Variants in FAXC observed in about 807,000 individuals in gnomAD.
The protein encoded by FAXC is failed axon connections homolog, metaxin like GST domain containing, also known as failed axon connections homolog.
A neutral mutation model predicts 41.9 loss-of-function variants in FAXC; 10 were observed. That is an observed-to-expected ratio of 0.24 (90% CI 0.15 to 0.41). FAXC has a LOEUF of 0.41. Among genes scored for constraint, FAXC ranks in the 10% least tolerant of loss-of-function variants. The pLI is 1.00. For missense variants in FAXC, 399 were observed against 510.9 expected, an observed-to-expected ratio of 0.78 and a Z score of 2.11; for synonymous variants, 183 against 183.8, an observed-to-expected ratio of 1.00 and a Z score of 0.03.
chr6:99,300,118 C>T (rs1054404820), intron 4 of FAXC, among the ~76,000 whole-genome samples: 6 of 152,194 alleles, frequency 3.9e-5, no homozygotes, highest in Admixed American at 1.3e-4. Context: ...ACCACCATCA[C>T]TCTGTCTCTT....
At chr6:99,323,333 A>T in intron 4 of FAXC, 111 bp downstream of exon 4, 1 of 914,634 alleles carries the variant, frequency 1.1e-6, no homozygotes, top group South Asian at 1.7e-5. Context: ...TACACATGGA[A>T]GCAAAGAAAT....
chr6:99,305,846 ATAT>A (rs1335566439), intron 4 of FAXC, among the ~76,000 whole-genome samples: 5 of 152,092 alleles, frequency 3.3e-5, no homozygotes, highest in Non-Finnish European at 7.3e-5. Flanking sequence ...ATATTAATCA[ATAT>A]TATTTTGACT....
chr6:99,338,528 A>G (rs1034559080), intron 2 of FAXC, among the ~76,000 whole-genome samples: 5 of 152,158 alleles, frequency 3.3e-5, no homozygotes, highest in Non-Finnish European at 5.9e-5. Flanking sequence ...AAGGTGGGGG[A>G]GCACAAAAGT....
At chr6:99,307,275 A>T (rs921931833) in intron 4 of FAXC, among the ~76,000 whole-genome samples, 2 of 152,200 alleles carry the variant, frequency 1.3e-5, no homozygotes, top group Non-Finnish European at 2.9e-5. Context: ...TTTTGTGTGA[A>T]GGGAAAGCAG....
rs1349387501 is a variant in FAXC, at chr6:99,272,113, T to TATTGAAGA, written c.*9043_*9050dup. 1 of 151,652 alleles carries TATTGAAGA rather than the reference T, an allele frequency of 6.6e-6. No homozygotes were observed. The highest frequency in any genetic ancestry group is 2.4e-5 in the African/African-American group (1 of 41,242). 9.4% of individuals were successfully genotyped at this position (151,652 alleles called of 1,614,324 possible). The stretch of plus-strand genomic sequence containing the variant: ...TGTAATTTGGGAACAATAATTACTT[T>TATTGAAGA]ATTGAAGAGGTATGAAAACTAATTG... On this transcript the variant is annotated 3_prime_UTR_variant, in exon 6 of 6. Coordinates refer to ENST00000389677, the MANE Select transcript of FAXC (RefSeq NM_032511.4).
chr6:99,289,318 C>G (rs921972450), intron 5 of FAXC, among the ~76,000 whole-genome samples: 8 of 152,072 alleles, frequency 5.3e-5, no homozygotes, highest in African/African-American at 1.9e-4. Context: ...CCTCGACTTA[C>G]GTGGGGATAC....
At chr6:99,323,374 C>G in intron 4 of FAXC, 70 bp downstream of exon 4, 1 of 1,344,768 alleles carries the variant, frequency 7.4e-7, no homozygotes, top group Non-Finnish European at 1.0e-6. Context: ...ATTAGTGAAC[C>G]AACAGTGTTT....
chr6:99,300,866 T>G (rs1305455399), intron 4 of FAXC, among the ~76,000 whole-genome samples: 2 of 152,218 alleles, frequency 1.3e-5, no homozygotes, highest in African/African-American at 4.8e-5. Context: ...TAAGTTCAAA[T>G]CCTTTTATAA....
intron 4 of FAXC, among the ~76,000 whole-genome samples, chr6:99,321,706 A>T (rs1025299794): frequency 6.6e-6 from 1 of 152,214 alleles, no homozygotes; most frequent in Non-Finnish European, 1.5e-5. Flanking sequence ...TCTCCTGAAA[A>T]CTGGGGAGAA....
chr6:99,316,590 T>C (rs1772365955), intron 4 of FAXC, among the ~76,000 whole-genome samples: 1 of 152,170 alleles, frequency 6.6e-6, no homozygotes, highest in South Asian at 2.1e-4. Context: ...TGTCTCTGAG[T>C]TTCCCTGACT....
intron 3 of FAXC, among the ~76,000 whole-genome samples, chr6:99,325,229 T>C (rs193179435): frequency 1.1e-3 from 168 of 152,226 alleles, no homozygotes; most frequent in African/African-American, 3.9e-3. Flanking sequence ...ATTTTGATCA[T>C]TGTATATAGT....
At chr6:99,289,010 C>T (rs1370785429) in intron 5 of FAXC, among the ~76,000 whole-genome samples, 2 of 152,132 alleles carry the variant, frequency 1.3e-5, no homozygotes, top group Non-Finnish European at 2.9e-5. Flanking sequence ...TTCACCCATC[C>T]ATCTGTCCAT....
intron 2 of FAXC, among the ~76,000 whole-genome samples, chr6:99,334,348 T>C (rs796693426): frequency 1.6e-4 from 24 of 152,204 alleles, no homozygotes; most frequent in African/African-American, 5.8e-4. Context: ...ATTGCCTTTG[T>C]GCAATTAAGA....
chr6:99,322,897 A>G (rs1772643586), intron 4 of FAXC, among the ~76,000 whole-genome samples: 1 of 152,342 alleles, frequency 6.6e-6, no homozygotes, highest in Middle Eastern at 3.4e-3. Context: ...GACAAATACA[A>G]AATCACACTA....
chr6:99,349,091 C>A lies in FAXC; in HGVS notation c.266+16G>T, dbSNP rs963178765. 28 of 1,612,186 alleles carry A rather than the reference C, an allele frequency of 1.7e-5. No individual in the cohort carries two copies. The highest frequency in any genetic ancestry group is 2.3e-5 in the Non-Finnish European group (27 of 1,179,438). ...CCCTCTCTGCGCCCCTGTGCGGGGC[C>A]CTCTCTCCGGCTCACCTAATGACCA... On this transcript the variant is annotated intron_variant, in intron 1 of 5. Coordinates refer to ENST00000389677, the MANE Select transcript of FAXC (RefSeq NM_032511.4).
chr6:99,331,165 T>A (rs1407988490), intron 3 of FAXC, among the ~76,000 whole-genome samples: 2 of 152,178 alleles, frequency 1.3e-5, no homozygotes, highest in Non-Finnish European at 2.9e-5. Flanking sequence ...ACCCTCACTA[T>A]TTTTTCCTCA....
chr6:99,282,583 A>G (rs886182397), intron 5 of FAXC, among the ~76,000 whole-genome samples: 2 of 152,196 alleles, frequency 1.3e-5, no homozygotes, highest in African/African-American at 4.8e-5. Context: ...TTTGTCTGAA[A>G]CATGCCACTC....
At chr6:99,293,704 G>GTGTC (rs1554198530) in intron 4 of FAXC, among the ~76,000 whole-genome samples, 10 of 101,916 alleles carry the variant, frequency 9.8e-5, no homozygotes, top group African/African-American at 2.8e-4. Context: ...GTGTGTGTGT[G>GTGTC]TGTGTGTGTC....
intron 4 of FAXC, among the ~76,000 whole-genome samples, chr6:99,304,428 AGT>A (rs1480701493): frequency 1.3e-5 from 2 of 152,194 alleles, no homozygotes; most frequent in African/African-American, 4.8e-5. Context: ...GAAGAACTTG[AGT>A]GTTTCCTTTT....
Sources: gnomAD v4.1 joint callset for allele counts (sites outside exome capture counted in the v4.1 genomes callset) on GRCh38, gnomAD v4.1.1 for gene constraint, MANE v1.5 for transcripts, NCBI Gene and HGNC (gene_info 2026-07-23, HGNC 2026-07-21) for gene names.